Variants in CACNG2 observed in about 807,000 individuals in gnomAD.
CACNG2 encodes the protein voltage-dependent calcium channel gamma-2 subunit.
Under a neutral mutation model 25.9 loss-of-function variants are expected in CACNG2, and 3 were observed. That is an observed-to-expected ratio of 0.12 (90% CI 0.05 to 0.30). CACNG2 has a LOEUF of 0.30. Ranked by LOEUF, CACNG2 falls within the 10% of genes least tolerant of loss-of-function variation. The pLI is 1.00. For synonymous variants in CACNG2, 167 were observed against 173.3 expected, an observed-to-expected ratio of 0.96 and a Z score of 0.29; for missense variants, 341 against 432.5, an observed-to-expected ratio of 0.79 and a Z score of 1.88.
chr22:36,679,196 TCC>T (rs1038070527), intron 1 of CACNG2, among the ~76,000 whole-genome samples: 1 of 68,276 alleles, frequency 1.5e-5, no homozygotes, highest in African/African-American at 4.5e-5. Context: ...CTTCCTTCCT[TCC>T]TTTCTTTCTT....
intron 1 of CACNG2, among the ~76,000 whole-genome samples, chr22:36,650,372 A>G (rs1302608185): frequency 5.3e-5 from 8 of 151,434 alleles, no homozygotes; most frequent in African/African-American, 1.5e-4. Context: ...TTGCCATTCT[A>G]TTTTACTTTT....
chr22:36,577,523 G>A (rs537763628), intron 2 of CACNG2, among the ~76,000 whole-genome samples: 58 of 151,980 alleles, frequency 3.8e-4, no homozygotes, highest in Non-Finnish European at 6.0e-4. Context: ...GGTGGCGCAG[G>A]CCCGTAGTCC....
chr22:36,609,554 T>C (rs1161288006), intron 1 of CACNG2, among the ~76,000 whole-genome samples: 6 of 123,278 alleles, frequency 4.9e-5, no homozygotes, highest in African/African-American at 6.3e-5. Context: ...CAGAGCGTGA[T>C]TGGGCAGGAA....
chr22:36,647,532 G>T (rs547425014), intron 1 of CACNG2, among the ~76,000 whole-genome samples: 74 of 151,952 alleles, frequency 4.9e-4, no homozygotes, highest in Non-Finnish European at 8.7e-4. Context: ...GGAGGTGGAG[G>T]TTTCAGTGAG....
intron 1 of CACNG2, among the ~76,000 whole-genome samples, chr22:36,679,197 C>CCTTCCTTCCTTTCTTTCTTCCTTT (rs1491420417): frequency 1.8e-5 from 1 of 54,786 alleles, no homozygotes; most frequent in African/African-American, 6.9e-5. Context: ...TTCCTTCCTT[C>CCTTCCTTCCTTTCTTTCTTCCTTT]CTTTCTTTCT....
intron 1 of CACNG2, among the ~76,000 whole-genome samples, chr22:36,686,409 GC>G (rs1281645149): frequency 1.3e-5 from 2 of 152,208 alleles, no homozygotes; most frequent in Admixed American, 1.3e-4. Flanking sequence ...ATGCGGAAGG[GC>G]CCTTGGATTT....
intron 1 of CACNG2, among the ~76,000 whole-genome samples, chr22:36,650,133 A>G (rs1315280813): frequency 2.0e-5 from 3 of 151,932 alleles, no homozygotes; most frequent in East Asian, 1.9e-4. Flanking sequence ...TCTTCACTCA[A>G]TTCTCAACTC....
Position 36,563,452 on chromosome 22 carries a change from T to C in CACNG2, c.*899A>G, listed in dbSNP as rs1410866750. Among the ~76,000 whole-genome samples, 1 of 152,122 alleles carries C rather than the reference T, an allele frequency of 6.6e-6. No individual in the cohort carries two copies. Among genetic ancestry groups the C allele is most frequent in the East Asian group, 1.9e-4 (1 of 5,184 alleles). On this transcript the variant is annotated 3_prime_UTR_variant, in exon 4 of 4. Coordinates refer to ENST00000300105, the MANE Select transcript of CACNG2 (RefSeq NM_006078.5). Reference sequence around the variant, plus strand: ...GGCTCACCCTGAGGATTCCGGGGTTTCCGGCATCTTGGTAAGCCACCGGCA... The same window carrying C: ...GGCTCACCCTGAGGATTCCGGGGTTCCCGGCATCTTGGTAAGCCACCGGCA...
At position 36,564,298 on chromosome 22, in the gene CACNG2, G is replaced by A; in HGVS notation, c.*53C>T. The A allele has an allele frequency of 1.7e-6, 2 of 1,143,914 alleles. No individual in the cohort carries two copies. Among genetic ancestry groups the A allele is most frequent in the East Asian group, 3.9e-5 (1 of 25,934 alleles). The allele number at this position is 1,143,914 out of a possible 1,614,324, so 70.9% of individuals were successfully genotyped here. ...GGTCTGGGTCTCCCCGCCCCGCCCC[G>A]CCCCCGGGGACCGCGCCCTCCTCCC... On this transcript the variant is annotated 3_prime_UTR_variant, in exon 4 of 4. Transcript: ENST00000300105. The surrounding 1 kb of genome is among the most constrained non-coding windows in gnomAD (Gnocchi z 6.7).
At chr22:36,576,141 T>C (rs2283973) in intron 2 of CACNG2, among the ~76,000 whole-genome samples, 49,697 of 152,136 alleles carry the variant, frequency 0.33, 8,271 homozygotes, top group Non-Finnish European at 0.35. Flanking sequence ...CAAATACCTA[T>C]CCATCAATGA....
chr22:36,581,308 G>T (rs979235695), intron 2 of CACNG2, among the ~76,000 whole-genome samples: 1 of 152,126 alleles, frequency 6.6e-6, no homozygotes, highest in African/African-American at 2.4e-5. Flanking sequence ...GAGAGGCTGG[G>T]GGACTCCTCA....
chr22:36,626,186 C>T (rs1158710994), intron 1 of CACNG2, among the ~76,000 whole-genome samples: 1 of 152,208 alleles, frequency 6.6e-6, no homozygotes. Context: ...TCCCAAAGTG[C>T]TGGGATTACA....
intron 1 of CACNG2, among the ~76,000 whole-genome samples, chr22:36,640,608 C>T (rs1227710646): frequency 6.6e-6 from 1 of 152,204 alleles, no homozygotes; most frequent in East Asian, 1.9e-4. Context: ...AACCATAAGA[C>T]CCACTGCAGA....
intron 1 of CACNG2, among the ~76,000 whole-genome samples, chr22:36,630,289 G>T (rs766745530): frequency 5.3e-5 from 8 of 152,162 alleles, no homozygotes; most frequent in Non-Finnish European, 8.8e-5. Context: ...TAGAAGCTGT[G>T]GGCGTGGACA....
chr22:36,605,937 A>G (rs765371855), intron 1 of CACNG2, among the ~76,000 whole-genome samples: 2 of 152,208 alleles, frequency 1.3e-5, no homozygotes, highest in Non-Finnish European at 2.9e-5. Flanking sequence ...TAGGCGGATA[A>G]TGAATAAACA....
intron 1 of CACNG2, among the ~76,000 whole-genome samples, chr22:36,667,409 A>G (rs1936889987): frequency 6.6e-6 from 1 of 152,130 alleles, no homozygotes; most frequent in African/African-American, 2.4e-5. Flanking sequence ...CTGTTTATAC[A>G]GCTGTTCAGC....
intron 1 of CACNG2, among the ~76,000 whole-genome samples, chr22:36,664,850 C>T (rs900170048): frequency 6.6e-6 from 1 of 152,156 alleles, no homozygotes; most frequent in African/African-American, 2.4e-5. Flanking sequence ...GGGAGAAAAG[C>T]ATGTGTTTTA....
intron 1 of CACNG2, among the ~76,000 whole-genome samples, chr22:36,670,488 T>C (rs1347411783): frequency 2.0e-5 from 3 of 152,200 alleles, no homozygotes; most frequent in Non-Finnish European, 4.4e-5. Context: ...ATTATCATGA[T>C]AGCCAAAAAA....
chr22:36,637,672 G>A (rs949279099), intron 1 of CACNG2, among the ~76,000 whole-genome samples: 11 of 152,086 alleles, frequency 7.2e-5, no homozygotes, highest in Non-Finnish European at 1.0e-4. Context: ...TCAAGAGGTC[G>A]GTGAGCTGCC....
Sources: allele counts gnomAD v4.1 joint callset (sites outside exome capture counted in the v4.1 genomes callset), GRCh38; gene constraint gnomAD v4.1.1; non-coding constraint Gnocchi (gnomAD v3.1); transcripts MANE v1.5; gene names NCBI Gene and HGNC (gene_info 2026-07-23, HGNC 2026-07-21).